Variants in PACRG observed in about 807,000 individuals in gnomAD.
PACRG encodes the protein parkin coregulated.
A neutral mutation model predicts 29.7 loss-of-function variants in PACRG; 29 were observed. The ratio of observed to expected loss-of-function variants is 0.98; its 90% CI spans 0.73 to 1.33. PACRG has a LOEUF of 1.33. Ranked by LOEUF, PACRG falls within the 40% of genes most tolerant of loss-of-function variation. PACRG has a pLI of 0.00. For missense variants in PACRG, 279 were observed against 316.2 expected, an observed-to-expected ratio of 0.88 and a Z score of 0.89; for synonymous variants, 116 against 118.7, an observed-to-expected ratio of 0.98 and a Z score of 0.15.
At chr6:163,260,544 C>T (rs1004232848) in intron 4 of PACRG, among the ~76,000 whole-genome samples, 1 of 152,160 alleles carries the variant, frequency 6.6e-6, no homozygotes, top group East Asian at 1.9e-4. Context: ...GCTGAAGCTT[C>T]GGGAGTTGCC....
intron 4 of PACRG, among the ~76,000 whole-genome samples, chr6:163,288,139 T>TTAA (rs1784460244): frequency 6.6e-6 from 1 of 152,264 alleles, no homozygotes; most frequent in Admixed American, 6.5e-5. Context: ...TCTCAGGTTT[T>TTAA]CTTAATTGCA....
intron 1 of PACRG, among the ~76,000 whole-genome samples, chr6:162,734,678 C>A (rs920263875): frequency 2.6e-5 from 4 of 152,138 alleles, no homozygotes; most frequent in African/African-American, 9.7e-5. Context: ...ATGTATAAAT[C>A]TCAAACAATT....
chr6:163,299,342 T>G (rs1456367773), intron 4 of PACRG, among the ~76,000 whole-genome samples: 1 of 152,162 alleles, frequency 6.6e-6, no homozygotes, highest in Non-Finnish European at 1.5e-5. Flanking sequence ...AGGCGAATGC[T>G]CCAGCTGTTG....
chr6:163,275,852 G>A (rs537070403), intron 4 of PACRG, among the ~76,000 whole-genome samples: 1 of 152,286 alleles, frequency 6.6e-6, no homozygotes, highest in South Asian at 2.1e-4. Context: ...TGCAAGAGAC[G>A]GGGAAAGCAT....
chr6:163,038,803 G>A (rs557344338), intron 2 of PACRG, among the ~76,000 whole-genome samples: 12 of 152,296 alleles, frequency 7.9e-5, no homozygotes, highest in Admixed American at 7.8e-4. Context: ...GAGAGGACAG[G>A]AAGGGCTCTC....
intron 4 of PACRG, among the ~76,000 whole-genome samples, chr6:163,192,340 G>T (rs1780251881): frequency 6.6e-6 from 1 of 152,184 alleles, no homozygotes; most frequent in African/African-American, 2.4e-5. Flanking sequence ...TTCAGAAAAA[G>T]ATCTATTGTT....
intron 4 of PACRG, among the ~76,000 whole-genome samples, chr6:163,226,818 A>C (rs888534825): frequency 6.6e-6 from 1 of 152,220 alleles, no homozygotes; most frequent in African/African-American, 2.4e-5. Context: ...GATGTAGTAA[A>C]GGATAAACTC....
intron 1 of PACRG, among the ~76,000 whole-genome samples, chr6:162,801,362 G>C (rs540214328): frequency 2.0e-4 from 31 of 152,106 alleles, no homozygotes; most frequent in African/African-American, 7.0e-4. Flanking sequence ...GCCCCCCTTG[G>C]CCTCCCAAAA....
intron 4 of PACRG, among the ~76,000 whole-genome samples, chr6:163,222,762 A>G (rs1230494088): frequency 1.3e-5 from 2 of 152,198 alleles, no homozygotes; most frequent in African/African-American, 4.8e-5. Context: ...ATTCTGCAGA[A>G]CCCAATATTG....
At chr6:163,227,677 C>A (rs114100794) in intron 4 of PACRG, among the ~76,000 whole-genome samples, 1,655 of 152,240 alleles carry the variant, frequency 0.011, 37 homozygotes, top group African/African-American at 0.037. Flanking sequence ...AAAGCTTTAA[C>A]ACCCAGGTCC....
chr6:163,024,546 T>C (rs1806941638), intron 2 of PACRG, among the ~76,000 whole-genome samples: 1 of 152,244 alleles, frequency 6.6e-6, no homozygotes, highest in Admixed American at 6.5e-5. Context: ...TAGAAGCGCT[T>C]TGGCTATTCA....
chr6:162,823,776 G>A (rs1478443821), intron 2 of PACRG, among the ~76,000 whole-genome samples: 1 of 152,068 alleles, frequency 6.6e-6, no homozygotes, highest in African/African-American at 2.4e-5. Context: ...GCCTCCCAAA[G>A]TGCTGGGATT....
intron 4 of PACRG, chr6:163,101,129 A>G: frequency 1.0e-6 from 1 of 983,424 alleles, no homozygotes; most frequent in Non-Finnish European, 1.2e-6. Flanking sequence ...TAGATTTTGC[A>G]TACCAATTAC....
At position 162,785,435 on chromosome 6, in the gene PACRG, G is replaced by C. The variant is rs1303037913; in HGVS notation, c.157-28712G>C. On this transcript the variant is annotated intron_variant, in intron 1 of 4. Coordinates refer to ENST00000366888, the MANE Select transcript of PACRG (RefSeq NM_001080379.2). ...TCTTTAAACTTGCAAAGCAAGAAGCGAACTGTGAAAATGGTACAACTCCCA... is the reference window on the plus strand; with the variant it reads ...TCTTTAAACTTGCAAAGCAAGAAGCCAACTGTGAAAATGGTACAACTCCCA... Among the ~76,000 whole-genome samples, 4 of 152,178 alleles carry C rather than the reference G, an allele frequency of 2.6e-5. No homozygotes were observed. The East Asian group carries it at 7.7e-4, about 29-fold the overall frequency.
intron 2 of PACRG, among the ~76,000 whole-genome samples, chr6:162,886,481 G>A (rs370542985): frequency 1.1e-4 from 17 of 152,230 alleles, no homozygotes; most frequent in South Asian, 1.0e-3. Flanking sequence ...CACATGGCAC[G>A]CGTCTCCTGG....
rs1358077468 is a variant in PACRG at position 162,831,672 on chromosome 6, AAGAGGCCCC to A, written c.291+17394_291+17402del. On this transcript the variant is annotated intron_variant, in intron 2 of 4. Transcript: ENST00000366888. ...CCCTCCCCATGCACCTCCACCCCACAAGAGGCCCCAGTGTGTGTTGTTTCCCTCCCTGTG... is the reference window on the plus strand; with the variant it reads ...CCCTCCCCATGCACCTCCACCCCACAAGTGTGTGTTGTTTCCCTCCCTGTG... Among the ~76,000 whole-genome samples the A allele has an allele frequency of 7.9e-5, 12 of 152,118 alleles. No homozygotes were observed. In the East Asian group the frequency reaches 1.9e-3, roughly 25 times the overall value.
At chr6:163,100,908 C>A in intron 4 of PACRG, 1 of 984,814 alleles carries the variant, frequency 1.0e-6, no homozygotes, top group Admixed American at 6.1e-5. Flanking sequence ...TCATGTACAT[C>A]TTGAATTAAT....
At chr6:163,158,352 C>G (rs981471931) in intron 4 of PACRG, among the ~76,000 whole-genome samples, 1 of 152,146 alleles carries the variant, frequency 6.6e-6, no homozygotes, top group African/African-American at 2.4e-5. Flanking sequence ...TTGTGCATGC[C>G]TGGTTGAGCT....
At chr6:162,768,958 C>T (rs1308670134) in intron 1 of PACRG, among the ~76,000 whole-genome samples, 3 of 152,140 alleles carry the variant, frequency 2.0e-5, no homozygotes, top group Non-Finnish European at 2.9e-5. Flanking sequence ...TTGTATAGCA[C>T]TCTGTGCTTA....
Sources: allele counts gnomAD v4.1 joint callset (sites outside exome capture counted in the v4.1 genomes callset), GRCh38; gene constraint gnomAD v4.1.1; transcripts MANE v1.5; gene names NCBI Gene and HGNC (gene_info 2026-07-23, HGNC 2026-07-21).